IL6R: variants seen among roughly 807,000 people sequenced by gnomAD.
The protein encoded by IL6R is interleukin-6 receptor subunit alpha.
A neutral mutation model predicts 48.3 loss-of-function variants in IL6R; 38 were observed. That is an observed-to-expected ratio of 0.79 (90% CI 0.61 to 1.03). The LOEUF is 1.03. Ranked by LOEUF, IL6R falls within the 50% of genes least tolerant of loss-of-function variation. The pLI, the probability that IL6R is intolerant of heterozygous loss-of-function variation, is 0.00. For synonymous variants in IL6R, 264 were observed against 256.2 expected (o/e 1.03, Z -0.29); for missense variants, 534 against 618.3 (o/e 0.86, Z 1.45).
At position 154,429,460 on chromosome 1, in the gene IL6R, G is replaced by T; in HGVS notation, c.334+16G>T. On this transcript the variant is annotated intron_variant, in intron 2 of 9. Coordinates refer to ENST00000368485, the MANE Select transcript of IL6R (RefSeq NM_000565.4). ...CTGGTGGATGGTGAGTTGTGCCTCA[G>T]AGGTCCCGGAGATAGTTCCCGTAAG... 1 of 1,597,972 alleles carries T rather than the reference G, an allele frequency of 6.3e-7. No individual in the cohort carries two copies. Among genetic ancestry groups the T allele is most frequent in the Non-Finnish European group, 8.6e-7 (1 of 1,167,332 alleles).
chr1:154,413,105 A>C (rs569704150), intron 1 of IL6R, among the ~76,000 whole-genome samples: 1 of 151,702 alleles, frequency 6.6e-6, no homozygotes, highest in South Asian at 2.1e-4. Context: ...GGGTTCAAGC[A>C]ATTCTCCTGC....
chr1:154,434,022 C>T (rs553084137), intron 3 of IL6R, among the ~76,000 whole-genome samples: 4 of 152,046 alleles, frequency 2.6e-5, no homozygotes, highest in African/African-American at 4.8e-5. Flanking sequence ...CCACCGCGCC[C>T]GGCCTTATTT....
rs1423320653 is a variant in IL6R at position 154,455,185 on chromosome 1, AC to A, written c.1160+605del. Among the ~76,000 whole-genome samples the A allele has an allele frequency of 2.6e-5, 4 of 152,230 alleles. No individual in the cohort carries two copies. In the East Asian group the frequency reaches 7.7e-4, roughly 29 times the overall value. ...CTTGGCCTCCCAATGTGTTGGGATT[AC>A]AGGTGTGAACTACCATGCCCGGCCC... On this transcript the variant is annotated intron_variant, in intron 9 of 9. Transcript: ENST00000368485.
chr1:154,466,267 G>A lies in IL6R; in HGVS notation c.*887G>A, dbSNP rs1471081446. On this transcript the variant is annotated 3_prime_UTR_variant, in exon 10 of 10. Transcript: ENST00000368485. ...CACCTCCCACAAAGGAGAGCTAGCA[G>A]CAGGGAGGGCTTCTGCCATTTCTGA... is the stretch of plus-strand genomic sequence containing the variant. 14 of 152,352 alleles carry A rather than the reference G, an allele frequency of 9.2e-5. No individual in the cohort carries two copies. In the East Asian group the frequency reaches 2.3e-3, roughly 25 times the overall value. The allele number at this position is 152,352 out of a possible 1,614,324, so 9.4% of individuals were successfully genotyped here. A position where few individuals can be genotyped will look rare whatever the true frequency, so the allele number is the denominator to read the frequency against.
chr1:154,415,694 A>G (rs1461939914), intron 1 of IL6R, among the ~76,000 whole-genome samples: 2 of 152,220 alleles, frequency 1.3e-5, no homozygotes, highest in African/African-American at 2.4e-5. Context: ...TATAAAATGT[A>G]TCAGCCGGGT....
At chr1:154,426,949 G>C (rs1047377409) in intron 1 of IL6R, among the ~76,000 whole-genome samples, 1 of 146,616 alleles carries the variant, frequency 6.8e-6, no homozygotes, top group Admixed American at 7.0e-5. Context: ...ACGGAGCTTC[G>C]CTCTTTTTGC....
At chr1:154,425,809 G>A (rs1034129698) in intron 1 of IL6R, among the ~76,000 whole-genome samples, 3 of 150,456 alleles carry the variant, frequency 2.0e-5, no homozygotes, top group Non-Finnish European at 4.4e-5. Context: ...GCCGGGCACA[G>A]AGCCTCATGC....
chr1:154,429,258 G>A lies in IL6R; in HGVS notation c.148G>A (p.Val50Ile). The change falls in exon 2 of 10, where the codon GTA becomes ATA. Residue 50 changes from valine to isoleucine, a missense_variant. Transcript: ENST00000368485. ...GDSVTLTCPG[V>I]EPEDNATVHW... ...CAGCGTGACTCTGACCTGCCCGGGG[G>A]TAGAGCCGGAAGACAATGCCACTGT... is the stretch of plus-strand genomic sequence containing the variant. The A allele has an allele frequency of 1.2e-6, 2 of 1,614,176 alleles. No homozygotes were observed. The highest frequency in any genetic ancestry group is 1.7e-6 in the Non-Finnish European group (2 of 1,180,016).
intron 8 of IL6R, 128 bp downstream of exon 8, chr1:154,450,108 G>A (rs1245217999): frequency 1.5e-5 from 7 of 481,174 alleles, no homozygotes; most frequent in African/African-American, 8.9e-5. Context: ...AATGTTCTGT[G>A]TGTGTGTGTG....
rs777962053 is a variant in IL6R at position 154,467,815 on chromosome 1, TTC to T, written c.*2437_*2438del. 6 of 152,148 alleles carry T rather than the reference TTC, an allele frequency of 3.9e-5. No homozygotes were observed. Among genetic ancestry groups the T allele is most frequent in the Non-Finnish European group, 7.3e-5 (5 of 68,036 alleles). The allele number at this position is 152,148 out of a possible 1,614,324, so 9.4% of individuals were successfully genotyped here. On this transcript the variant is annotated 3_prime_UTR_variant, in exon 10 of 10. Coordinates refer to ENST00000368485, the MANE Select transcript of IL6R (RefSeq NM_000565.4). ...TCCCTCCCATCCCACCACATAAAGT[TTC>T]TGAGACTTGAGAACAGCAAAATGCT...
chr1:154,433,871 A>G (rs1462872878), intron 3 of IL6R, among the ~76,000 whole-genome samples: 1 of 151,784 alleles, frequency 6.6e-6, no homozygotes, highest in Non-Finnish European at 1.5e-5. Context: ...ATGCGCCACC[A>G]CGCCAGGCTA....
intron 1 of IL6R, among the ~76,000 whole-genome samples, chr1:154,425,635 A>C (rs1333838971): frequency 1.3e-5 from 2 of 151,334 alleles, no homozygotes; most frequent in Non-Finnish European, 2.9e-5. Flanking sequence ...ACAGCCAGTC[A>C]TGGTAGCATG....
intron 1 of IL6R, among the ~76,000 whole-genome samples, chr1:154,417,235 C>T (rs1403163230): frequency 6.6e-6 from 1 of 152,190 alleles, no homozygotes; most frequent in Admixed American, 6.5e-5. Flanking sequence ...GCGTGTTAAG[C>T]CTGGACCGAG....
intron 6 of IL6R, among the ~76,000 whole-genome samples, chr1:154,438,059 G>GA (rs1252087511): frequency 1.3e-5 from 2 of 152,058 alleles, no homozygotes; most frequent in Non-Finnish European, 1.5e-5. Context: ...ACATGGCAAA[G>GA]AAGTAATAAA....
At chr1:154,412,266 T>C (rs1291346468) in intron 1 of IL6R, among the ~76,000 whole-genome samples, 1 of 148,338 alleles carries the variant, frequency 6.7e-6, no homozygotes, top group East Asian at 2.0e-4. Flanking sequence ...TTTTTGTTTT[T>C]GTTTTGAGAC....
At chr1:154,418,632 G>A (rs751705557) in intron 1 of IL6R, among the ~76,000 whole-genome samples, 1 of 152,168 alleles carries the variant, frequency 6.6e-6, no homozygotes, top group Non-Finnish European at 1.5e-5. Flanking sequence ...CGTAGCCTGC[G>A]GCCTTGCCTC....
chr1:154,459,922 C>T (rs539732447), intron 9 of IL6R, among the ~76,000 whole-genome samples: 6 of 152,016 alleles, frequency 3.9e-5, no homozygotes, highest in African/African-American at 9.7e-5. Context: ...TGTATCATTC[C>T]GGTATTTTAA....
rs773270678 is a variant in IL6R, at chr1:154,430,491, G to C, written c.343G>C (p.Glu115Gln). 2 of 1,613,444 alleles carry C rather than the reference G, an allele frequency of 1.2e-6. No homozygotes were observed. Among genetic ancestry groups the C allele is most frequent in the African/African-American group, 1.3e-5 (1 of 74,872 alleles). ...CAATGCTTTCCTTTCAGTTCCCCCC[G>C]AGGAGCCCCAGCTCTCCTGCTTCCG... is the stretch of plus-strand genomic sequence containing the variant. ...TVHLLVDVPP[E>Q]EPQLSCFRKS... Residue 115 changes from glutamate (E) to glutamine (Q), a missense_variant, in exon 3 of 10, where the codon GAG (glutamate) becomes CAG (glutamine). Glu to Gln is a conservative substitution (Grantham distance 29). Transcript: ENST00000368485.
chr1:154,455,269 C>T (rs1022607295), intron 9 of IL6R, among the ~76,000 whole-genome samples: 1 of 151,710 alleles, frequency 6.6e-6, no homozygotes, highest in Non-Finnish European at 1.5e-5. Flanking sequence ...CGTGTGCATG[C>T]ACGTGTCTGT....
Sources: gnomAD v4.1 joint callset for allele counts (sites outside exome capture counted in the v4.1 genomes callset) on GRCh38, gnomAD v4.1.1 for gene constraint, MANE v1.5 for transcripts, NCBI Gene and HGNC (gene_info 2026-07-23, HGNC 2026-07-21) for gene names.